Variants in DPP10 observed in about 807,000 individuals in gnomAD.
The protein encoded by DPP10 is dipeptidyl peptidase like 10.
In DPP10, 33 loss-of-function variants were observed where a neutral mutation model predicts 120.9. The observed-to-expected ratio is 0.27, with a 90% confidence interval of 0.21 to 0.37. DPP10 has a LOEUF of 0.37. Ranked by LOEUF, DPP10 falls within the 10% of genes least tolerant of loss-of-function variation. DPP10 has a pLI of 1.00. For synonymous variants in DPP10, 337 were observed against 326.1 expected (o/e 1.03, Z -0.36); for missense variants, 816 against 942.8 (o/e 0.87, Z 1.76).
At chr2:115,219,281 C>A (rs2057008302) in intron 1 of DPP10, among the ~76,000 whole-genome samples, 1 of 152,034 alleles carries the variant, frequency 6.6e-6, no homozygotes, top group South Asian at 2.1e-4. Context: ...CGAAAATGAA[C>A]AAAATTATAT....
chr2:115,402,854 A>ATATATATATAT lies in DPP10; in HGVS notation c.271+58942_271+58943insTATATATATAT, dbSNP rs1553584380. Among the ~76,000 whole-genome samples the ATATATATATAT allele has an allele frequency of 3.8e-3, 368 of 97,550 alleles. 4 individuals carry two copies. Among genetic ancestry groups the ATATATATATAT allele is most frequent in the African/African-American group, 0.014 (349 of 25,360 alleles). The allele number at this position is 97,550 out of a possible 152,430, so 64.0% of individuals were successfully genotyped here. A position where few individuals can be genotyped will look rare whatever the true frequency, so the allele number is the denominator to read the frequency against. On this transcript the variant is annotated intron_variant, in intron 3 of 25. Transcript: ENST00000410059. ...AGGACACTACAAGGAAAAAAAAAAA[A>ATATATATATAT]ATATATATATATATATATATATGTG... is the stretch of plus-strand genomic sequence containing the variant.
At chr2:115,568,255 C>G (rs1038454390) in intron 5 of DPP10, among the ~76,000 whole-genome samples, 1 of 151,072 alleles carries the variant, frequency 6.6e-6, no homozygotes, top group Non-Finnish European at 1.5e-5. Context: ...GAGACTGAGG[C>G]GGGCAGATCA....
intron 3 of DPP10, among the ~76,000 whole-genome samples, chr2:115,425,672 A>G (rs1406095951): frequency 6.6e-6 from 1 of 152,198 alleles, no homozygotes; most frequent in East Asian, 1.9e-4. Flanking sequence ...AAAAAGATAG[A>G]TAAGTGGTTG....
intron 1 of DPP10, among the ~76,000 whole-genome samples, chr2:114,657,709 G>A (rs1160082056): frequency 6.6e-6 from 1 of 152,160 alleles, no homozygotes; most frequent in Non-Finnish European, 1.5e-5. Flanking sequence ...ACCATGAGCA[G>A]ATGTAGTAGC....
intron 13 of DPP10, among the ~76,000 whole-genome samples, chr2:115,770,596 T>C (rs1169825435): frequency 6.6e-6 from 1 of 152,148 alleles, no homozygotes; most frequent in Non-Finnish European, 1.5e-5. Context: ...TAAATACAAT[T>C]TATACATAAC....
chr2:114,871,719 TC>T (rs2106564115), intron 1 of DPP10, among the ~76,000 whole-genome samples: 1 of 152,180 alleles, frequency 6.6e-6, no homozygotes, highest in African/African-American at 2.4e-5. Context: ...GGATGAGGGG[TC>T]CCCAACCCCC....
chr2:115,774,468 C>G (rs1255089814), intron 13 of DPP10, among the ~76,000 whole-genome samples: 1 of 152,072 alleles, frequency 6.6e-6, no homozygotes, highest in African/African-American at 2.4e-5. Flanking sequence ...GAGCTATCCA[C>G]TGAGTTATTT....
chr2:115,572,472 T>C (rs1278122146), intron 5 of DPP10, among the ~76,000 whole-genome samples: 2 of 152,208 alleles, frequency 1.3e-5, no homozygotes, highest in Non-Finnish European at 2.9e-5. Context: ...TACATGTACA[T>C]ACATGTATAT....
chr2:115,753,034 T>A, intron 10 of DPP10, 140 bp from the exon 11 acceptor site: 1 of 578,606 alleles, frequency 1.7e-6, no homozygotes, highest in Non-Finnish European at 2.7e-6. Context: ...TTTATCTATC[T>A]ATCTATACAT....
chr2:115,239,298 A>G (rs184089502), intron 1 of DPP10, among the ~76,000 whole-genome samples: 107 of 152,342 alleles, frequency 7.0e-4, no homozygotes, highest in East Asian at 6.4e-3. Context: ...GAAAAATGCT[A>G]TCAAACAGCA....
At chr2:115,343,501 G>A (rs1442682180) in intron 2 of DPP10, among the ~76,000 whole-genome samples, 1 of 152,038 alleles carries the variant, frequency 6.6e-6, no homozygotes, top group Non-Finnish European at 1.5e-5. Flanking sequence ...ATAGTTAAAT[G>A]GTAGAAAATC....
intron 1 of DPP10, among the ~76,000 whole-genome samples, chr2:114,664,626 C>CAAA (rs374561367): frequency 4.9e-5 from 4 of 81,482 alleles, no homozygotes; most frequent in Non-Finnish European, 1.2e-4. Context: ...GACTCCGTCT[C>CAAA]AAAAAAAAAA....
At chr2:114,581,684 A>T (rs1690539086) in intron 1 of DPP10, among the ~76,000 whole-genome samples, 1 of 152,148 alleles carries the variant, frequency 6.6e-6, no homozygotes, top group Non-Finnish European at 1.5e-5. Context: ...CTTCCTAACT[A>T]ATGAGCTAAA....
chr2:115,659,253 C>G (rs2088683447), intron 5 of DPP10, among the ~76,000 whole-genome samples: 1 of 152,102 alleles, frequency 6.6e-6, no homozygotes, highest in South Asian at 2.1e-4. Context: ...CATTTCTGTT[C>G]TTTATAAATT....
intron 5 of DPP10, among the ~76,000 whole-genome samples, chr2:115,595,206 A>G (rs2082913689): frequency 6.6e-6 from 1 of 152,138 alleles, no homozygotes; most frequent in Non-Finnish European, 1.5e-5. Flanking sequence ...ACAATAAGGC[A>G]TAATAAAGAT....
intron 1 of DPP10, among the ~76,000 whole-genome samples, chr2:114,642,074 C>T (rs1363820446): frequency 2.6e-5 from 4 of 151,914 alleles, no homozygotes; most frequent in Non-Finnish European, 5.9e-5. Flanking sequence ...CAGACACAGA[C>T]CTGCAGCCAG....
intron 3 of DPP10, among the ~76,000 whole-genome samples, chr2:115,363,992 AGGTGGAGGTAGATG>A (rs2064938490): frequency 1.4e-4 from 1 of 7,232 alleles, no homozygotes; most frequent in Non-Finnish European, 4.6e-4. Flanking sequence ...TTAGTAGCAA[AGGTGGAGGTAGATG>A]CTTCAGGTCA....
intron 1 of DPP10, among the ~76,000 whole-genome samples, chr2:115,071,584 T>G (rs11896753): frequency 0.16 from 24,888 of 152,122 alleles, 2,313 homozygotes; most frequent in African/African-American, 0.27. Context: ...GGTGAGTTTC[T>G]GTTCCTTCCT....
intron 1 of DPP10, among the ~76,000 whole-genome samples, chr2:114,719,147 C>T (rs1027993206): frequency 2.6e-5 from 4 of 152,182 alleles, no homozygotes; most frequent in Non-Finnish European, 5.9e-5. Context: ...AAATACTTGA[C>T]TTAGCTTTAG....
Sources: allele counts gnomAD v4.1 joint callset (sites outside exome capture counted in the v4.1 genomes callset), GRCh38; gene constraint gnomAD v4.1.1; transcripts MANE v1.5; gene names NCBI Gene and HGNC (gene_info 2026-07-23, HGNC 2026-07-21).